Variants in ZBTB20 observed in about 807,000 individuals in gnomAD.
The protein encoded by ZBTB20 is zinc finger and BTB domain containing 20, also known as zinc finger and BTB domain-containing protein 20.
A neutral mutation model predicts 56.9 loss-of-function variants in ZBTB20; 9 were observed. The ratio of observed to expected loss-of-function variants is 0.16; its 90% CI spans 0.10 to 0.28. The LOEUF (loss-of-function observed/expected upper bound fraction) is 0.28, where lower values mean the gene tolerates loss of function less well. Among genes scored for constraint, ZBTB20 ranks in the 10% least tolerant of loss-of-function variants. ZBTB20 has a pLI of 1.00. For missense variants in ZBTB20, 655 were observed against 1,003.0 expected, an observed-to-expected ratio of 0.65 and a Z score of 4.69; for synonymous variants, 417 against 420.7, an observed-to-expected ratio of 0.99 and a Z score of 0.11.
intron 5 of ZBTB20, among the ~76,000 whole-genome samples, chr3:114,766,912 C>A (rs2068831446): frequency 6.6e-6 from 1 of 151,892 alleles, no homozygotes; most frequent in Non-Finnish European, 1.5e-5. Flanking sequence ...AGAAAATAAA[C>A]AATGGTACAA....
rs184685287 is a variant in ZBTB20, at chr3:114,986,080, T to C, written c.-506-11664A>G. 2.4e-3 allele frequency among the ~76,000 whole-genome samples: 360 copies of C among 152,180 alleles called. 2 individuals are homozygous for C. The highest frequency in any genetic ancestry group is 4.2e-3 in the Non-Finnish European group (283 of 68,012). On this transcript the variant is annotated intron_variant, in intron 2 of 11. Coordinates refer to ENST00000675478, the MANE Select transcript of ZBTB20 (RefSeq NM_001348800.3). The stretch of plus-strand genomic sequence containing the variant: ...TATGGGGAGATTTAGAAAGAAAATT[T>C]GATCAGAAAGTGTGTTAGGAGGACT...
rs2081648486 is a variant in ZBTB20 at position 115,053,871 on chromosome 3, C to A, written c.-507+17348G>T. Among the ~76,000 whole-genome samples the A allele has an allele frequency of 8.5e-5, 13 of 152,174 alleles. No individual in the cohort carries two copies. The South Asian group carries it at 2.5e-3, about 29-fold the overall frequency. ...ACAACAGAATGTGTCGGTATAAGGA[C>A]ATGTTACAAAGTTTTTACTGGGTTT... On this transcript the variant is annotated intron_variant, in intron 2 of 11. Coordinates refer to ENST00000675478, the MANE Select transcript of ZBTB20 (RefSeq NM_001348800.3).
intron 7 of ZBTB20, among the ~76,000 whole-genome samples, chr3:114,461,998 T>C (rs2092353095): frequency 6.6e-6 from 1 of 152,232 alleles, no homozygotes; most frequent in South Asian, 2.1e-4. Context: ...ATGTTCTTAG[T>C]CTATTTGTCT....
chr3:114,919,569 G>A (rs1212291251), intron 3 of ZBTB20, among the ~76,000 whole-genome samples: 2 of 152,026 alleles, frequency 1.3e-5, no homozygotes, highest in African/African-American at 4.8e-5. Context: ...GCCGGGTGCG[G>A]TGGCAGGTAC....
At chr3:114,673,576 G>A (rs1416703944) in intron 6 of ZBTB20, among the ~76,000 whole-genome samples, 2 of 151,974 alleles carry the variant, frequency 1.3e-5, no homozygotes, top group Non-Finnish European at 2.9e-5. Flanking sequence ...GGAAACAAAG[G>A]GTGAAAATTA....
chr3:114,907,734 C>T (rs1488762905), intron 3 of ZBTB20, among the ~76,000 whole-genome samples: 1 of 151,852 alleles, frequency 6.6e-6, no homozygotes, highest in Non-Finnish European at 1.5e-5. Flanking sequence ...ATATTTCATT[C>T]ATTTATTCTA....
chr3:114,876,977 T>C (rs1025315707), intron 4 of ZBTB20, among the ~76,000 whole-genome samples: 2 of 152,234 alleles, frequency 1.3e-5, no homozygotes, highest in African/African-American at 4.8e-5. Flanking sequence ...AACAGAACTA[T>C]GCTGCCTATT....
At chr3:114,389,261 G>A (rs2085524893) in intron 7 of ZBTB20, among the ~76,000 whole-genome samples, 156 bp from the exon 8 acceptor site, 2 of 152,172 alleles carry the variant, frequency 1.3e-5, no homozygotes, top group Non-Finnish European at 2.9e-5. Flanking sequence ...GTACGGAAGG[G>A]AGAATGGAGA....
chr3:114,848,094 C>G (rs975875416), intron 4 of ZBTB20, among the ~76,000 whole-genome samples: 1 of 152,150 alleles, frequency 6.6e-6, no homozygotes, highest in Non-Finnish European at 1.5e-5. Flanking sequence ...GTAATATTAT[C>G]TAGAATGACA....
chr3:114,635,351 A>T (rs555180974), intron 6 of ZBTB20, among the ~76,000 whole-genome samples: 1 of 152,232 alleles, frequency 6.6e-6, no homozygotes, highest in East Asian at 1.9e-4. Flanking sequence ...ATCAAAACTC[A>T]TCTGTAGAGA....
chr3:114,848,651 C>T (rs2074841444), intron 4 of ZBTB20, among the ~76,000 whole-genome samples: 1 of 152,188 alleles, frequency 6.6e-6, no homozygotes. Flanking sequence ...GATACAGTTT[C>T]TAATCCTCTG....
In ZBTB20 at chr3:114,647,636, C is replaced by T. The variant is rs76095622; in HGVS notation, c.-295+45892G>A. Among the ~76,000 whole-genome samples, 293 of 152,284 alleles carry T rather than the reference C, an allele frequency of 1.9e-3. 7 individuals carry two copies. The East Asian group carries it at 0.05, about 26-fold the overall frequency. On this transcript the variant is annotated intron_variant, in intron 6 of 11. Transcript: ENST00000675478. Reference sequence around the variant, plus strand: ...TGTGATCTTGAATACATTAGCCAACCTCTTTATAGTCCAGTCATTTCTAAA... The same window carrying T: ...TGTGATCTTGAATACATTAGCCAACTTCTTTATAGTCCAGTCATTTCTAAA...
intron 7 of ZBTB20, among the ~76,000 whole-genome samples, chr3:114,473,142 A>C (rs940556948): frequency 2.0e-5 from 3 of 152,226 alleles, no homozygotes; most frequent in African/African-American, 7.2e-5. Context: ...GACAGTCCCC[A>C]GGTATGGCTG....
At chr3:114,798,458 C>T (rs1488395817) in intron 5 of ZBTB20, among the ~76,000 whole-genome samples, 3 of 151,828 alleles carry the variant, frequency 2.0e-5, no homozygotes, top group African/African-American at 4.8e-5. Flanking sequence ...TTCAACAAGT[C>T]TCAAAAAATG....
rs2079400372 is a variant in ZBTB20, at chr3:114,334,990, G to C, written c.*4015C>G. The C allele has an allele frequency of 6.6e-6, 1 of 151,822 alleles. No individual in the cohort carries two copies. The allele number at this position is 151,822 out of a possible 1,614,324, so 9.4% of individuals were successfully genotyped here. On this transcript the variant is annotated 3_prime_UTR_variant, in exon 12 of 12. Transcript: ENST00000675478. ...TAGGATTATATTTCACACATTTGGG[G>C]GCCTTTTTTGTACAAATATTGGCAT...
At position 114,328,960 on chromosome 3, in the gene ZBTB20, C is replaced by T. The variant is rs1280698176; in HGVS notation, c.*10045G>A. The T allele has an allele frequency of 6.6e-6, 1 of 152,148 alleles. No individual in the cohort carries two copies. Among genetic ancestry groups the T allele is most frequent in the Non-Finnish European group, 1.5e-5 (1 of 68,038 alleles). 9.4% of individuals were successfully genotyped at this position (152,148 alleles called of 1,614,324 possible). ...ATGTGATCATTAGAGAAGAAACAGC[C>T]TCACTAACAGTCAATTCACAATTAT... On this transcript the variant is annotated 3_prime_UTR_variant, in exon 12 of 12. Coordinates refer to ENST00000675478, the MANE Select transcript of ZBTB20 (RefSeq NM_001348800.3).
intron 1 of ZBTB20, among the ~76,000 whole-genome samples, chr3:115,126,391 A>G (rs1027433143): frequency 6.6e-6 from 1 of 152,192 alleles, no homozygotes; most frequent in Non-Finnish European, 1.5e-5. Context: ...AATGTCACCA[A>G]GAAACATGTG....
intron 6 of ZBTB20, among the ~76,000 whole-genome samples, chr3:114,674,278 T>C (rs1294815069): frequency 6.6e-6 from 1 of 152,206 alleles, no homozygotes; most frequent in African/African-American, 2.4e-5. Context: ...TCTACTTAGT[T>C]ATGCATCATT....
intron 3 of ZBTB20, among the ~76,000 whole-genome samples, chr3:114,958,193 A>T (rs2077314591): frequency 6.6e-6 from 1 of 152,210 alleles, no homozygotes; most frequent in African/African-American, 2.4e-5. Context: ...CTATCAATTT[A>T]TGTTGATTAT....
Sources: allele counts gnomAD v4.1 joint callset (sites outside exome capture counted in the v4.1 genomes callset), GRCh38; gene constraint gnomAD v4.1.1; transcripts MANE v1.5; gene names NCBI Gene and HGNC (gene_info 2026-07-23, HGNC 2026-07-21).